CDH7: variants seen among roughly 807,000 people sequenced by gnomAD.
CDH7 encodes the protein cadherin 7, also known as cadherin-7.
Under a neutral mutation model 71.8 loss-of-function variants are expected in CDH7, and 25 were observed. The observed-to-expected ratio is 0.35, with a 90% CI of 0.25 to 0.49. The LOEUF is 0.49. CDH7 is among the 20% of genes least tolerant of loss of function. The pLI is 0.99. For missense variants in CDH7, 862 were observed against 974.6 expected (o/e 0.88, Z 1.54); for synonymous variants, 381 against 363.8 (o/e 1.05, Z -0.54).
chr18:65,762,829 A>G lies in CDH7; in HGVS notation c.-14A>G, dbSNP rs1262476499. On this transcript the variant is annotated 5_prime_UTR_variant, in exon 2 of 12. Coordinates refer to ENST00000397968, the MANE Select transcript of CDH7 (RefSeq NM_004361.5). ...GTTTTTTTCTTACACAGGAAAAAGA[A>G]AGAAAAAAAAAAGATGAAGTTGGGC... The G allele has an allele frequency of 6.3e-7, 1 of 1,598,590 alleles. No homozygotes were observed. The highest frequency in any genetic ancestry group is 8.5e-7 in the Non-Finnish European group (1 of 1,174,784).
At chr18:65,835,826 A>C (rs1912513689) in intron 6 of CDH7, among the ~76,000 whole-genome samples, 1 of 152,228 alleles carries the variant, frequency 6.6e-6, no homozygotes, top group South Asian at 2.1e-4. Context: ...CCTCCTCCTC[A>C]AAAAGATATT....
chr18:65,828,626 T>G (rs1156578932), intron 6 of CDH7, among the ~76,000 whole-genome samples: 1 of 152,146 alleles, frequency 6.6e-6, no homozygotes, highest in African/African-American at 2.4e-5. Flanking sequence ...AGTTAAGTTT[T>G]GAGCGATCCA....
intron 11 of CDH7, among the ~76,000 whole-genome samples, chr18:65,871,717 G>A (rs994292825): frequency 6.6e-6 from 1 of 152,180 alleles, no homozygotes; most frequent in African/African-American, 2.4e-5. Flanking sequence ...TGGTGTATGA[G>A]TGAGAGCCAT....
At chr18:65,829,488 G>A (rs1912257100) in intron 6 of CDH7, among the ~76,000 whole-genome samples, 1 of 149,780 alleles carries the variant, frequency 6.7e-6, no homozygotes, top group African/African-American at 2.5e-5. Flanking sequence ...AAAAACTTGT[G>A]GTGCTTCAGA....
In CDH7 at chr18:65,811,379, A is replaced by G. The variant is rs1459225684; in HGVS notation, c.505+1381A>G. 1.3e-5 allele frequency among the ~76,000 whole-genome samples: 2 copies of G among 152,162 alleles called. 1 individual carries two copies. Among genetic ancestry groups the G allele is most frequent in the Admixed American group, 1.3e-4 (2 of 15,290 alleles). ...GGTTACCACCATGGCTCTAGCTGCT[A>G]GAGAAATACCAAATGACAAGGAGAC... On this transcript the variant is annotated intron_variant, in intron 3 of 11. Transcript: ENST00000397968.
In CDH7 at chr18:65,787,259, C is replaced by T. The variant is rs1233563412; in HGVS notation, c.211-22445C>T. On this transcript the variant is annotated intron_variant, in intron 2 of 11. Coordinates refer to ENST00000397968, the MANE Select transcript of CDH7 (RefSeq NM_004361.5). ...TAAATGTATCAAATTATGCAACATA[C>T]ATTCCTTCTACATATAAGAAGGATT... Among the ~76,000 whole-genome samples the T allele has an allele frequency of 3.3e-5, 5 of 152,166 alleles. No homozygotes were observed. In the East Asian group the frequency reaches 7.7e-4, roughly 23 times the overall value.
intron 6 of CDH7, 145 bp from the exon 7 acceptor site, chr18:65,843,667 C>A: frequency 1.6e-6 from 1 of 632,396 alleles, no homozygotes; most frequent in African/African-American, 1.9e-5. Flanking sequence ...ATCTGATTGG[C>A]ATTGTTATTT....
At chr18:65,783,449 T>G (rs569310416) in intron 2 of CDH7, among the ~76,000 whole-genome samples, 2 of 152,302 alleles carry the variant, frequency 1.3e-5, no homozygotes, top group Admixed American at 6.5e-5. Context: ...GTTGGCAAAA[T>G]AATGCACTAT....
chr18:65,853,289 T>A (rs1291720081), intron 7 of CDH7, among the ~76,000 whole-genome samples: 1 of 152,174 alleles, frequency 6.6e-6, no homozygotes, highest in Non-Finnish European at 1.5e-5. Context: ...CAGCCTCCAA[T>A]TAACTCAGGC....
At chr18:65,804,950 C>T (rs1039514681) in intron 2 of CDH7, among the ~76,000 whole-genome samples, 37 of 152,024 alleles carry the variant, frequency 2.4e-4, no homozygotes, top group Admixed American at 2.4e-3. Context: ...ACCAGAGATA[C>T]AGGATGTTTT....
intron 2 of CDH7, among the ~76,000 whole-genome samples, chr18:65,766,127 T>C (rs928034294): frequency 1.3e-4 from 20 of 152,244 alleles, no homozygotes; most frequent in African/African-American, 4.6e-4. Flanking sequence ...GGAATGTCTA[T>C]TTTGGGGGAG....
chr18:65,800,077 C>T (rs1911064937), intron 2 of CDH7, among the ~76,000 whole-genome samples: 1 of 151,800 alleles, frequency 6.6e-6, no homozygotes. Flanking sequence ...AAGACATTTT[C>T]TTTTTACTTT....
At chr18:65,765,091 G>A (rs946113896) in intron 2 of CDH7, among the ~76,000 whole-genome samples, 2 of 151,974 alleles carry the variant, frequency 1.3e-5, no homozygotes, top group African/African-American at 4.8e-5. Context: ...AAGTTAGTTC[G>A]TGTTTATCTT....
intron 2 of CDH7, among the ~76,000 whole-genome samples, chr18:65,768,451 G>T (rs1471096847): frequency 6.6e-6 from 1 of 152,100 alleles, no homozygotes; most frequent in Non-Finnish European, 1.5e-5. Flanking sequence ...GGCCAGGCTG[G>T]TTTCGAACTC....
At chr18:65,807,928 A>C (rs1911383897) in intron 2 of CDH7, among the ~76,000 whole-genome samples, 1 of 152,152 alleles carries the variant, frequency 6.6e-6, no homozygotes, top group Admixed American at 6.5e-5. Flanking sequence ...TGAAGACCCT[A>C]GCACACAGGG....
rs1404043446 is a variant in CDH7, at chr18:65,861,633, T to C, written c.1613-1033T>C. On this transcript the variant is annotated intron_variant, in intron 10 of 11. Transcript: ENST00000397968. Reference sequence around the variant, plus strand: ...ATGGAATCTGAAAATCAAACTGTTTTATTACTGTCTCTTCTATAATTGCAT... The same window carrying C: ...ATGGAATCTGAAAATCAAACTGTTTCATTACTGTCTCTTCTATAATTGCAT... Among the ~76,000 whole-genome samples the C allele has an allele frequency of 2.0e-5, 3 of 152,204 alleles. No individual in the cohort carries two copies. The East Asian group carries it at 5.8e-4, about 29-fold the overall frequency.
chr18:65,781,504 G>T (rs1208009254), intron 2 of CDH7, among the ~76,000 whole-genome samples: 1 of 152,086 alleles, frequency 6.6e-6, no homozygotes, highest in Non-Finnish European at 1.5e-5. Context: ...ATACTTGAAT[G>T]TGGCTTTTTT....
At chr18:65,803,340 A>G (rs985669140) in intron 2 of CDH7, 4 of 152,052 alleles carry the variant, frequency 2.6e-5, no homozygotes, top group Admixed American at 1.3e-4. Context: ...TATGAGTAGT[A>G]TTTTTTCTTT....
At position 65,843,927 on chromosome 18, in the gene CDH7, T is replaced by A. The variant is rs772834682; in HGVS notation, c.1097T>A (p.Ile366Lys). Residue 366 changes from isoleucine (I) to lysine (K), a missense_variant, in exon 7 of 12, where the codon ATA (isoleucine) becomes AAA (lysine). Coordinates refer to ENST00000397968, the MANE Select transcript of CDH7 (RefSeq NM_004361.5). The part of the protein sequence containing the change: ...GPFSDTTTVK[I>K]IVEDVDEPPV... ...TTCAGTGACACGACAACTGTGAAGA[T>A]AATTGTGGAAGATGTAGATGAGCCC... 6.2e-7 allele frequency: 1 copy of A among 1,610,782 alleles called. No homozygotes were observed.
Sources: allele counts gnomAD v4.1 joint callset (sites outside exome capture counted in the v4.1 genomes callset), GRCh38; gene constraint gnomAD v4.1.1; transcripts MANE v1.5; gene names NCBI Gene and HGNC (gene_info 2026-07-23, HGNC 2026-07-21).